Variants in THSD7A observed in about 807,000 individuals in gnomAD.
THSD7A encodes the protein thrombospondin type 1 domain containing 7A, also known as thrombospondin type-1 domain-containing protein 7A.
A neutral mutation model predicts 231.3 loss-of-function variants in THSD7A; 96 were observed. That is an observed-to-expected ratio of 0.41 (90% confidence interval 0.35 to 0.49). THSD7A has a LOEUF of 0.49. Among genes scored for constraint, THSD7A ranks in the 20% least tolerant of loss-of-function variants. The pLI, the probability that THSD7A is intolerant of heterozygous loss-of-function variation, is 0.05. For missense variants in THSD7A, 2,290 were observed against 2,070.2 expected (o/e 1.11, Z -2.06); for synonymous variants, 940 against 743.3 (o/e 1.26, Z -4.30).
intron 23 of THSD7A, among the ~76,000 whole-genome samples, chr7:11,388,892 C>T (rs888669904): frequency 4.6e-5 from 7 of 152,114 alleles, no homozygotes; most frequent in African/African-American, 1.4e-4. Context: ...GCAGGTTGTT[C>T]AGTTTCCATG....
chr7:11,680,622 A>T (rs1325094649), intron 1 of THSD7A, among the ~76,000 whole-genome samples: 2 of 152,224 alleles, frequency 1.3e-5, no homozygotes, highest in Non-Finnish European at 2.9e-5. Flanking sequence ...ACTGGTCATT[A>T]GAGAAATGCA....
chr7:11,798,903 T>C (rs955629950), intron 1 of THSD7A, among the ~76,000 whole-genome samples: 4 of 150,922 alleles, frequency 2.7e-5, no homozygotes, highest in African/African-American at 9.9e-5. Flanking sequence ...TATTTTGGTT[T>C]AAAGTTGAGA....
At chr7:11,828,761 T>G (rs1229520929) in intron 1 of THSD7A, among the ~76,000 whole-genome samples, 4 of 152,164 alleles carry the variant, frequency 2.6e-5, no homozygotes, top group African/African-American at 9.7e-5. Flanking sequence ...TTACATATAA[T>G]GTATAAGTAA....
At chr7:11,431,869 G>A (rs1298258673) in intron 13 of THSD7A, among the ~76,000 whole-genome samples, 1 of 152,030 alleles carries the variant, frequency 6.6e-6, no homozygotes, top group Non-Finnish European at 1.5e-5. Flanking sequence ...AGTTTTCAGT[G>A]TACAGGTCTT....
chr7:11,465,840 A>G (rs1785681621), intron 9 of THSD7A, among the ~76,000 whole-genome samples: 1 of 152,148 alleles, frequency 6.6e-6, no homozygotes, highest in Non-Finnish European at 1.5e-5. Flanking sequence ...AAAAGTATTG[A>G]TTTTTTAAAA....
At chr7:11,585,752 T>C (rs1217536391) in intron 4 of THSD7A, among the ~76,000 whole-genome samples, 4 of 151,946 alleles carry the variant, frequency 2.6e-5, no homozygotes, top group Admixed American at 2.6e-4. Context: ...CACCATCCCA[T>C]CTCAGGGTGC....
chr7:11,674,595 C>G (rs1442478219), intron 1 of THSD7A, among the ~76,000 whole-genome samples: 5 of 152,116 alleles, frequency 3.3e-5, no homozygotes, highest in African/African-American at 1.2e-4. Context: ...AGAGCCTTGG[C>G]CCTCTGAAGA....
At chr7:11,783,787 C>T (rs537743825) in intron 1 of THSD7A, among the ~76,000 whole-genome samples, 2 of 152,076 alleles carry the variant, frequency 1.3e-5, no homozygotes, top group African/African-American at 4.8e-5. Context: ...ACACAATAGT[C>T]TAGAAATAGG....
chr7:11,646,357 G>T (rs1333718583), intron 1 of THSD7A, among the ~76,000 whole-genome samples: 2 of 151,994 alleles, frequency 1.3e-5, no homozygotes, highest in African/African-American at 2.4e-5. Context: ...TATGAAATAA[G>T]AATAGAAATT....
intron 13 of THSD7A, among the ~76,000 whole-genome samples, chr7:11,430,785 A>G (rs971879637): frequency 6.6e-6 from 1 of 152,184 alleles, no homozygotes; most frequent in Non-Finnish European, 1.5e-5. Flanking sequence ...TTCACTTAGT[A>G]TAATGTTTTC....
At chr7:11,450,282 C>A (rs1203098256) in intron 11 of THSD7A, among the ~76,000 whole-genome samples, 3 of 152,000 alleles carry the variant, frequency 2.0e-5, no homozygotes, top group East Asian at 3.9e-4. Context: ...TCCCCATATA[C>A]CTGCACTACA....
intron 1 of THSD7A, among the ~76,000 whole-genome samples, chr7:11,790,997 T>C (rs972526410): frequency 2.6e-5 from 4 of 152,112 alleles, no homozygotes; most frequent in Middle Eastern, 3.4e-3. Context: ...ATCATATTCA[T>C]GGTATTGTGA....
chr7:11,430,315 T>G (rs1020835384), intron 13 of THSD7A, among the ~76,000 whole-genome samples: 2 of 152,138 alleles, frequency 1.3e-5, no homozygotes, highest in African/African-American at 2.4e-5. Flanking sequence ...AACATTTGTT[T>G]TACTCCAAAA....
chr7:11,631,773 G>T (rs1432413128), intron 2 of THSD7A, among the ~76,000 whole-genome samples: 2 of 152,184 alleles, frequency 1.3e-5, no homozygotes, highest in Admixed American at 1.3e-4. Context: ...GGCAGATAAA[G>T]AACTTATTTT....
At chr7:11,423,881 G>T (rs141821238) in intron 16 of THSD7A, among the ~76,000 whole-genome samples, 203 of 152,282 alleles carry the variant, frequency 1.3e-3, no homozygotes, top group African/African-American at 4.6e-3. Flanking sequence ...ATACTGTATG[G>T]AAAATTTAAC....
At chr7:11,760,123 G>C (rs1782807491) in intron 1 of THSD7A, among the ~76,000 whole-genome samples, 1 of 152,000 alleles carries the variant, frequency 6.6e-6, no homozygotes, top group African/African-American at 2.4e-5. Context: ...CTTAGGATTT[G>C]TTCTGATAAA....
intron 6 of THSD7A, among the ~76,000 whole-genome samples, chr7:11,527,679 T>C (rs1444928467): frequency 1.3e-5 from 2 of 152,090 alleles, no homozygotes; most frequent in Non-Finnish European, 2.9e-5. Flanking sequence ...TAAAGAAAAA[T>C]GTAGAATAAA....
At chr7:11,681,293 A>G (rs1423862277) in intron 1 of THSD7A, among the ~76,000 whole-genome samples, 1 of 152,022 alleles carries the variant, frequency 6.6e-6, no homozygotes, top group African/African-American at 2.4e-5. Flanking sequence ...TGTACATTCT[A>G]GGCAATACCA....
intron 6 of THSD7A, among the ~76,000 whole-genome samples, chr7:11,495,579 G>C (rs992197071): frequency 2.0e-5 from 3 of 152,028 alleles, no homozygotes; most frequent in African/African-American, 7.2e-5. Flanking sequence ...TTGCAAAACT[G>C]TATCTTCTAG....
Sources: allele counts gnomAD v4.1 joint callset (sites outside exome capture counted in the v4.1 genomes callset), GRCh38; gene constraint gnomAD v4.1.1; transcripts MANE v1.5; gene names NCBI Gene and HGNC (gene_info 2026-07-23, HGNC 2026-07-21).